EPHA6: variants seen among roughly 807,000 people sequenced by gnomAD.
EPHA6 encodes ephrin type-A receptor 6.
In EPHA6, 50 loss-of-function variants were observed where a neutral mutation model predicts 112.0. That is an observed-to-expected ratio of 0.45 (90% confidence interval 0.36 to 0.56). EPHA6 has a LOEUF of 0.56. Ranked by LOEUF, EPHA6 falls within the 20% of genes least tolerant of loss-of-function variation. EPHA6 has a pLI of 0.00. For missense variants in EPHA6, 1,280 were observed against 1,417.4 expected (o/e 0.90, Z 1.56); for synonymous variants, 529 against 490.7 (o/e 1.08, Z -1.03).
chr3:96,981,198 G>T (rs1364114577), intron 2 of EPHA6, among the ~76,000 whole-genome samples: 1 of 152,104 alleles, frequency 6.6e-6, no homozygotes, highest in African/African-American at 2.4e-5. Flanking sequence ...GTCATAAATA[G>T]CTCTTATTAT....
At chr3:97,131,747 C>A (rs1365294762) in intron 3 of EPHA6, among the ~76,000 whole-genome samples, 1 of 152,048 alleles carries the variant, frequency 6.6e-6, no homozygotes, top group East Asian at 1.9e-4. Context: ...GAGTAATAAA[C>A]ATTTTCATCT....
intron 5 of EPHA6, among the ~76,000 whole-genome samples, chr3:97,295,328 ATTCT>A (rs112663110): frequency 0.078 from 11,837 of 151,824 alleles, 873 homozygotes; most frequent in Admixed American, 0.21. Flanking sequence ...CAGTTCTGAA[ATTCT>A]TTCTTCTGCT....
chr3:96,952,616 T>C (rs2041593108), intron 2 of EPHA6, among the ~76,000 whole-genome samples: 1 of 152,220 alleles, frequency 6.6e-6, no homozygotes, highest in African/African-American at 2.4e-5. Context: ...AATTATCCTG[T>C]CTCAATATTG....
chr3:97,067,379 C>G (rs2046209488), intron 3 of EPHA6, among the ~76,000 whole-genome samples: 1 of 151,904 alleles, frequency 6.6e-6, no homozygotes, highest in Non-Finnish European at 1.5e-5. Flanking sequence ...CTAGTATTTT[C>G]AAACTTCTAT....
In EPHA6 at chr3:97,647,036, A is replaced by T. The variant is rs75913278; in HGVS notation, c.2784+8954A>T. 1.0e-3 allele frequency among the ~76,000 whole-genome samples: 157 copies of T among 152,300 alleles called. 1 individual carries two copies. The highest frequency in any genetic ancestry group is 1.7e-3 in the Non-Finnish European group (117 of 68,016). On this transcript the variant is annotated intron_variant, in intron 14 of 17. Transcript: ENST00000389672. ...AGAGGAACAAAACTCAGTCTGTCCC[A>T]TGCAGTTCCTTCGTAACTCAAGCTA...
intron 1 of EPHA6, among the ~76,000 whole-genome samples, chr3:96,862,163 A>G (rs2036045610): frequency 6.6e-6 from 1 of 151,978 alleles, no homozygotes; most frequent in Admixed American, 6.6e-5. Context: ...GTTTGTTTAT[A>G]TATCTATAAT....
chr3:97,735,509 A>C (rs2035214910), intron 15 of EPHA6, among the ~76,000 whole-genome samples: 1 of 152,076 alleles, frequency 6.6e-6, no homozygotes, highest in African/African-American at 2.4e-5. Flanking sequence ...TGACTCAAGA[A>C]ATCAGTGCTT....
At chr3:97,255,177 T>TGTTC (rs890710827) in intron 5 of EPHA6, among the ~76,000 whole-genome samples, 2 of 148,428 alleles carry the variant, frequency 1.3e-5, no homozygotes, top group African/African-American at 5.1e-5. Context: ...TGTGTGTGTG[T>TGTTC]GTGTTCAAAA....
intron 5 of EPHA6, among the ~76,000 whole-genome samples, chr3:97,335,763 G>A (rs1163668165): frequency 3.9e-5 from 6 of 152,132 alleles, no homozygotes; most frequent in Non-Finnish European, 8.8e-5. Flanking sequence ...ATTATGCAGA[G>A]CCAGCTGTGC....
At chr3:96,817,606 G>A (rs2032901839) in intron 1 of EPHA6, among the ~76,000 whole-genome samples, 1 of 151,770 alleles carries the variant, frequency 6.6e-6, no homozygotes, top group South Asian at 2.1e-4. Flanking sequence ...TTTGAAATTT[G>A]TTATTTTATA....
At chr3:97,060,967 C>A (rs2046003483) in intron 3 of EPHA6, among the ~76,000 whole-genome samples, 1 of 146,994 alleles carries the variant, frequency 6.8e-6, no homozygotes, top group Non-Finnish European at 1.5e-5. Context: ...TAACACTCAG[C>A]CCAAGAACCT....
At chr3:96,990,455 T>C (rs2043173783) in intron 3 of EPHA6, among the ~76,000 whole-genome samples, 3 of 152,102 alleles carry the variant, frequency 2.0e-5, no homozygotes, top group South Asian at 2.1e-4. Context: ...ATGGCAGAAA[T>C]TGGAAGATTT....
intron 2 of EPHA6, among the ~76,000 whole-genome samples, chr3:96,924,853 G>A (rs535230694): frequency 6.6e-6 from 1 of 152,216 alleles, no homozygotes; most frequent in South Asian, 2.1e-4. Context: ...AAGGAATATT[G>A]AATTTTATTG....
rs888603007 is a variant in EPHA6, at chr3:97,228,368, T to G, written c.1270+1949T>G. Among the ~76,000 whole-genome samples the G allele has an allele frequency of 9.9e-5, 15 of 152,166 alleles. No individual in the cohort carries two copies. The East Asian group carries it at 2.9e-3, about 29-fold the overall frequency. ...AAATTCCATTATATCATTCTTATGT[T>G]GTTGCTCCTCATACCTTAGCCACCA... On this transcript the variant is annotated intron_variant, in intron 4 of 17. Transcript: ENST00000389672.
chr3:96,836,414 A>G (rs77141690), intron 1 of EPHA6, among the ~76,000 whole-genome samples: 85 of 152,192 alleles, frequency 5.6e-4, no homozygotes, highest in African/African-American at 1.8e-3. Flanking sequence ...TCCTTGGTAA[A>G]GTGCTGATAA....
At chr3:97,184,733 C>A (rs1052095603) in intron 3 of EPHA6, among the ~76,000 whole-genome samples, 1 of 152,050 alleles carries the variant, frequency 6.6e-6, no homozygotes, top group African/African-American at 2.4e-5. Context: ...TCATATGGAA[C>A]CAAAAAAGAG....
At chr3:97,441,375 A>G in intron 6 of EPHA6, 1 of 702,804 alleles carries the variant, frequency 1.4e-6, no homozygotes, top group Non-Finnish European at 1.7e-6. Flanking sequence ...ATTGTTTTAT[A>G]ACATCCATAA....
chr3:97,263,150 T>C (rs2079555317), intron 5 of EPHA6, among the ~76,000 whole-genome samples: 1 of 152,194 alleles, frequency 6.6e-6, no homozygotes, highest in African/African-American at 2.4e-5. Flanking sequence ...AGAATCAATA[T>C]TTATTAACCA....
At chr3:97,651,522 C>T (rs890433817) in intron 14 of EPHA6, among the ~76,000 whole-genome samples, 7 of 151,940 alleles carry the variant, frequency 4.6e-5, no homozygotes, top group Non-Finnish European at 7.4e-5. Flanking sequence ...ACATCTAGTC[C>T]TTCTAACCTA....
Sources: allele counts gnomAD v4.1 joint callset (sites outside exome capture counted in the v4.1 genomes callset), GRCh38; gene constraint gnomAD v4.1.1; transcripts MANE v1.5; gene names NCBI Gene and HGNC (gene_info 2026-07-23, HGNC 2026-07-21).